The following P4HA1 variants were observed in gnomAD, a reference collection of about 807,000 sequenced individuals.
P4HA1 encodes prolyl 4-hydroxylase subunit alpha 1, also known as prolyl 4-hydroxylase subunit alpha-1.
P4HA1 carries 24 observed loss-of-function variants against 72.8 expected under a neutral mutation model. The ratio of observed to expected loss-of-function variants is 0.33; its 90% CI spans 0.24 to 0.46. The LOEUF (loss-of-function observed/expected upper bound fraction) is 0.46, where lower values mean the gene tolerates loss of function less well. Ranked by LOEUF, P4HA1 falls within the 20% of genes least tolerant of loss-of-function variation. P4HA1 has a pLI of 1.00. For synonymous variants in P4HA1, 201 were observed against 218.8 expected (o/e 0.92, Z 0.72); for missense variants, 446 against 640.6 (o/e 0.70, Z 3.28).
At position 73,028,772 on chromosome 10, in the gene P4HA1, C is replaced by G. The variant is rs540454340; in HGVS notation, c.1248+1499G>C. Among the ~76,000 whole-genome samples, 24 of 152,074 alleles carry G rather than the reference C, an allele frequency of 1.6e-4. No individual in the cohort carries two copies. The South Asian group carries it at 5.0e-3, about 32-fold the overall frequency. On this transcript the variant is annotated intron_variant, in intron 10 of 14. Transcript: ENST00000394890. ...TTTAAAGTTGAAAAGAGGCCAGACACAGTGGCTCATGCCTGTAATCCCAAC... is the reference window on the plus strand; with the variant it reads ...TTTAAAGTTGAAAAGAGGCCAGACAGAGTGGCTCATGCCTGTAATCCCAAC...
chr10:73,011,106 TTG>T, intron 12 of P4HA1, 69 bp from the exon 13 acceptor site: 1 of 1,132,390 alleles, frequency 8.8e-7, no homozygotes, highest in Non-Finnish European at 1.3e-6. Context: ...TTATATAGAC[TTG>T]ATATTGGATA....
intron 12 of P4HA1, among the ~76,000 whole-genome samples, chr10:73,012,806 T>C (rs1839935362): frequency 6.6e-6 from 1 of 152,158 alleles, no homozygotes; most frequent in East Asian, 1.9e-4. Flanking sequence ...TTTATTTTTA[T>C]TTTTTGAGAT....
chr10:73,093,415 A>G (rs1053388091), intron 1 of P4HA1, among the ~76,000 whole-genome samples: 28 of 152,204 alleles, frequency 1.8e-4, no homozygotes, highest in Admixed American at 3.9e-4. Context: ...CTGCTGGAGT[A>G]ACCTAAATGA....
intron 10 of P4HA1, among the ~76,000 whole-genome samples, chr10:73,021,683 G>A (rs1018315958): frequency 3.9e-5 from 6 of 152,210 alleles, no homozygotes; most frequent in Non-Finnish European, 7.3e-5. Flanking sequence ...AAGCAGGGCG[G>A]GGCATCGCCT....
chr10:73,081,972 C>T (rs1841835202), intron 1 of P4HA1, among the ~76,000 whole-genome samples: 1 of 152,184 alleles, frequency 6.6e-6, no homozygotes, highest in African/African-American at 2.4e-5. Flanking sequence ...GCCAAGATGG[C>T]ACCACCACAC....
chr10:73,028,728 C>A, intron 10 of P4HA1, among the ~76,000 whole-genome samples: 1 of 151,950 alleles, frequency 6.6e-6, no homozygotes, highest in East Asian at 2.0e-4. Context: ...AGCCACCAGA[C>A]CCGGACAACA....
intron 12 of P4HA1, among the ~76,000 whole-genome samples, chr10:73,011,341 T>G (rs1839906198): frequency 1.3e-5 from 2 of 152,168 alleles, no homozygotes; most frequent in Non-Finnish European, 2.9e-5. Context: ...GACTTAAAAC[T>G]AATGAGTCAA....
At chr10:73,029,843 AAGAG>A (rs1404720561) in intron 10 of P4HA1, among the ~76,000 whole-genome samples, 2 of 152,176 alleles carry the variant, frequency 1.3e-5, no homozygotes, top group Non-Finnish European at 2.9e-5. Flanking sequence ...GTAACAGAAA[AAGAG>A]AAGTGATGAA....
chr10:73,075,740 ATAGTGT>A (rs1406378499), intron 1 of P4HA1, among the ~76,000 whole-genome samples: 98 of 148,552 alleles, frequency 6.6e-4, no homozygotes, highest in African/African-American at 2.3e-3. Context: ...ATATATATAT[ATAGTGT>A]GTGTGTGTGT....
intron 5 of P4HA1, among the ~76,000 whole-genome samples, chr10:73,064,452 G>T (rs1459525302): frequency 3.9e-5 from 6 of 151,920 alleles, no homozygotes; most frequent in Admixed American, 1.3e-4. Flanking sequence ...TCCAGCCTGG[G>T]TTGATAGCAG....
At chr10:73,090,588 TCA>T (rs757492825) in intron 1 of P4HA1, among the ~76,000 whole-genome samples, 23 of 152,230 alleles carry the variant, frequency 1.5e-4, no homozygotes, top group Admixed American at 1.3e-4. Flanking sequence ...TTAAAATATA[TCA>T]GTTTATTCAA....
chr10:73,066,782 T>A (rs116224870), intron 5 of P4HA1, among the ~76,000 whole-genome samples: 3,001 of 152,218 alleles, frequency 0.02, 84 homozygotes, highest in African/African-American at 0.069. Context: ...TGAGATAGGA[T>A]GGTTTTATAA....
chr10:73,016,598 G>A (rs945100719), intron 11 of P4HA1, among the ~76,000 whole-genome samples: 1 of 152,150 alleles, frequency 6.6e-6, no homozygotes, highest in African/African-American at 2.4e-5. Flanking sequence ...CCAAAATGGC[G>A]AAACCCTGTC....
chr10:73,039,611 TTA>T (rs1212337705), intron 9 of P4HA1, among the ~76,000 whole-genome samples: 1 of 151,882 alleles, frequency 6.6e-6, no homozygotes, highest in African/African-American at 2.4e-5. Flanking sequence ...CCCGCCTGTT[TTA>T]TGTTTTTTAA....
At chr10:73,009,687 T>C (rs1839870181) in intron 14 of P4HA1, 120 bp downstream of exon 14, 1 of 556,686 alleles carries the variant, frequency 1.8e-6, no homozygotes, top group Non-Finnish European at 3.2e-6. Context: ...GGCTGAATCC[T>C]GTACAATGTT....
intron 9 of P4HA1, among the ~76,000 whole-genome samples, chr10:73,034,807 C>T (rs184482352): frequency 9.2e-5 from 14 of 152,118 alleles, no homozygotes; most frequent in East Asian, 7.7e-4. Context: ...TGTCAAACTC[C>T]TGGACTCAGG....
chr10:73,079,855 T>C (rs1841784095), intron 1 of P4HA1, among the ~76,000 whole-genome samples: 2 of 152,206 alleles, frequency 1.3e-5, no homozygotes, highest in Non-Finnish European at 2.9e-5. Context: ...TCCCATTCTA[T>C]TTCCTCCTAC....
chr10:73,091,799 T>A (rs112813881), intron 1 of P4HA1, among the ~76,000 whole-genome samples: 270 of 152,354 alleles, frequency 1.8e-3, no homozygotes, highest in Non-Finnish European at 3.2e-3. Context: ...AATTCTCATA[T>A]GTACCTATAA....
intron 11 of P4HA1, among the ~76,000 whole-genome samples, chr10:73,015,985 CAT>C (rs1840000903): frequency 6.6e-6 from 1 of 151,764 alleles, no homozygotes; most frequent in African/African-American, 2.4e-5. Context: ...ACAGAATTAA[CAT>C]GTTGACAAAG....
Sources: allele counts gnomAD v4.1 joint callset (sites outside exome capture counted in the v4.1 genomes callset), GRCh38; gene constraint gnomAD v4.1.1; transcripts MANE v1.5; gene names NCBI Gene and HGNC (gene_info 2026-07-23, HGNC 2026-07-21).